CUX1: variants seen among roughly 807,000 people sequenced by gnomAD.
The protein encoded by CUX1 is cut like homeobox 1.
CUX1 carries 31 observed loss-of-function variants against 158.8 expected under a neutral mutation model. That is an observed-to-expected ratio of 0.20 (90% CI 0.15 to 0.26). CUX1 has a LOEUF of 0.26. CUX1 is among the 10% of genes least tolerant of loss of function. The probability of loss-of-function intolerance (pLI) is 1.00; values close to 1 mark genes in which losing one functional copy is unlikely to be tolerated. For missense variants in CUX1, 1,589 were observed against 2,014.6 expected, an observed-to-expected ratio of 0.79 and a Z score of 4.04; for synonymous variants, 879 against 862.1, an observed-to-expected ratio of 1.02 and a Z score of -0.34.
chr7:102,254,410 C>T lies in CUX1; in HGVS notation c.*5368C>T, dbSNP rs1268722450. 2.0e-6 allele frequency: 2 copies of T among 985,372 alleles called. No individual in the cohort carries two copies. Among genetic ancestry groups the T allele is most frequent in the South Asian group, 4.7e-5 (1 of 21,270 alleles). The allele number at this position is 985,372 out of a possible 1,614,324, so 61.0% of individuals were successfully genotyped here. On this transcript the variant is annotated 3_prime_UTR_variant, in exon 24 of 24. Transcript: ENST00000292535. ...TTGCAAACATCAAACATCTCAAAGA[C>T]GGAAAAGGATAGATGGCTTCCTCCA...
intron 4 of CUX1, among the ~76,000 whole-genome samples, chr7:102,090,686 C>G (rs1312898641): frequency 5.0e-5 from 6 of 120,790 alleles, no homozygotes; most frequent in Admixed American, 2.4e-4. Flanking sequence ...CGCACCCCGC[C>G]TCTTTTTTTT....
chr7:101,939,055 ATACATATATATATATATATATATAT>A lies in CUX1; in HGVS notation c.141+22831_141+22855del, dbSNP rs1563035850. Among the ~76,000 whole-genome samples, 9 of 77,488 alleles carry A rather than the reference ATACATATATATATATATATATATAT, an allele frequency of 1.2e-4. 1 individual carries two copies. The highest frequency in any genetic ancestry group is 5.3e-4 in the Admixed American group (3 of 5,678). The allele number at this position is 77,488 out of a possible 152,430, so 50.8% of individuals were successfully genotyped here. On this transcript the variant is annotated intron_variant, in intron 2 of 23. Coordinates refer to ENST00000292535, the MANE Select transcript of CUX1 (RefSeq NM_181552.4). ...AAACTCTGTCTCAAAAAAAAAAAAA[ATACATATATATATATATATATATAT>A]ATATATATATATATATATATATATA... is the stretch of plus-strand genomic sequence containing the variant.
intron 8 of CUX1, among the ~76,000 whole-genome samples, chr7:102,150,182 G>A (rs1196676298): frequency 1.3e-5 from 2 of 152,106 alleles, no homozygotes; most frequent in Admixed American, 1.3e-4. Context: ...TTGAGACAGG[G>A]TCTCGCTCTG....
At chr7:101,856,242 G>C (rs1295125799) in intron 1 of CUX1, among the ~76,000 whole-genome samples, 3 of 151,204 alleles carry the variant, frequency 2.0e-5, no homozygotes, top group Admixed American at 2.0e-4. Flanking sequence ...AAATTCTGCT[G>C]GAAGTGTGCA....
intron 2 of CUX1, among the ~76,000 whole-genome samples, chr7:101,993,790 C>T (rs757354455): frequency 7.9e-5 from 12 of 152,178 alleles, no homozygotes; most frequent in Admixed American, 2.6e-4. Context: ...CTGCCCCTCC[C>T]GGTGCAGACT....
In CUX1 at chr7:102,255,845, T is replaced by G. The variant is rs184193380; in HGVS notation, c.*6803T>G. On this transcript the variant is annotated 3_prime_UTR_variant, in exon 24 of 24. Coordinates refer to ENST00000292535, the MANE Select transcript of CUX1 (RefSeq NM_181552.4). ...TTCTTTTTTATTATTTTATTATTTT[T>G]TTTGTACTTTGCTTTAAACGGAAAG... is the stretch of plus-strand genomic sequence containing the variant. 308 of 983,434 alleles carry G rather than the reference T, an allele frequency of 3.1e-4. 2 individuals carry two copies. In the African/African-American group the frequency reaches 5.0e-3, roughly 16 times the overall value. The allele number at this position is 983,434 out of a possible 1,614,324, so 60.9% of individuals were successfully genotyped here.
intron 2 of CUX1, among the ~76,000 whole-genome samples, chr7:101,972,081 C>G (rs1448741920): frequency 3.9e-5 from 6 of 152,222 alleles, no homozygotes; most frequent in Non-Finnish European, 7.3e-5. Flanking sequence ...ATTCTCCTGC[C>G]TCAGCCTCCC....
chr7:102,170,390 T>C lies in CUX1; in HGVS notation c.724-56T>C, dbSNP rs3764839. On this transcript the variant is annotated intron_variant, in intron 9 of 23. Coordinates refer to ENST00000292535, the MANE Select transcript of CUX1 (RefSeq NM_181552.4). ...GAATTGATGAATGTTCTTGTAATAA[T>C]TGTCAGTTGTTAAACTGAATGTACT... The C allele has an allele frequency of 8.4e-4, 1,005 of 1,190,274 alleles. 9 individuals carry two copies. In the East Asian group the frequency reaches 0.018, roughly 21 times the overall value. The allele number at this position is 1,190,274 out of a possible 1,614,324, so 73.7% of individuals were successfully genotyped here. A position where few individuals can be genotyped will look rare whatever the true frequency, so the allele number is the denominator to read the frequency against.
chr7:101,864,319 C>A (rs1002414625), intron 1 of CUX1, among the ~76,000 whole-genome samples: 3 of 151,978 alleles, frequency 2.0e-5, no homozygotes, highest in African/African-American at 7.3e-5. Flanking sequence ...CACCACCACA[C>A]CCCGCTAATT....
At position 102,250,452 on chromosome 7, in the gene CUX1, G is replaced by A. The variant is rs1381767329; in HGVS notation, c.*1410G>A. On this transcript the variant is annotated 3_prime_UTR_variant, in exon 24 of 24. Transcript: ENST00000292535. The stretch of plus-strand genomic sequence containing the variant: ...CCCCAGGCCTGGGCAGGGCTTACAC[G>A]CGCACTCTCTCTCTTCTTTCCCTTT... 9.1e-6 allele frequency: 9 copies of A among 985,340 alleles called. No homozygotes were observed. The highest frequency in any genetic ancestry group is 8.7e-5 in the African/African-American group (5 of 57,214). The allele number at this position is 985,340 out of a possible 1,614,324, so 61.0% of individuals were successfully genotyped here. A position where few individuals can be genotyped will look rare whatever the true frequency, so the allele number is the denominator to read the frequency against.
chr7:101,856,976 G>A (rs558382795), intron 1 of CUX1, among the ~76,000 whole-genome samples: 11 of 152,248 alleles, frequency 7.2e-5, no homozygotes, highest in African/African-American at 2.6e-4. Context: ...CCTCCTGGGC[G>A]CACCCTCCCT....
At chr7:102,242,517 T>C (rs1373113386) in intron 23 of CUX1, among the ~76,000 whole-genome samples, 1 of 152,228 alleles carries the variant, frequency 6.6e-6, no homozygotes, top group African/African-American at 2.4e-5. Flanking sequence ...AGATGCCATC[T>C]CTACTTTCTA....
At chr7:101,885,486 G>A (rs1395071608) in intron 1 of CUX1, among the ~76,000 whole-genome samples, 1 of 152,182 alleles carries the variant, frequency 6.6e-6, no homozygotes, top group Non-Finnish European at 1.5e-5. Context: ...TCAAGCCCAG[G>A]AGGTCAAGTC....
chr7:102,149,169 C>T (rs1835343104), intron 8 of CUX1, among the ~76,000 whole-genome samples: 3 of 152,072 alleles, frequency 2.0e-5, no homozygotes, highest in Admixed American at 1.3e-4. Flanking sequence ...CTTCCATTTC[C>T]CTGTGGCCTC....
intron 2 of CUX1, among the ~76,000 whole-genome samples, chr7:101,974,608 G>T (rs1447366825): frequency 6.6e-6 from 1 of 152,124 alleles, no homozygotes; most frequent in African/African-American, 2.4e-5. Flanking sequence ...ATATATTACA[G>T]GTTGGCCTTT....
At chr7:102,212,504 GATTT>G (rs1437208563) in intron 20 of CUX1, among the ~76,000 whole-genome samples, 1 of 152,144 alleles carries the variant, frequency 6.6e-6, no homozygotes, top group African/African-American at 2.4e-5. Flanking sequence ...CAGAGTCACC[GATTT>G]ATTTGACTTT....
chr7:102,062,243 C>T (rs375357378), intron 3 of CUX1, among the ~76,000 whole-genome samples: 6 of 152,156 alleles, frequency 3.9e-5, no homozygotes, highest in African/African-American at 7.2e-5. Flanking sequence ...CCACAAGTCA[C>T]GTGGCAGTGG....
At chr7:102,094,032 A>C (rs925150176) in intron 4 of CUX1, among the ~76,000 whole-genome samples, 7 of 152,254 alleles carry the variant, frequency 4.6e-5, no homozygotes, top group Admixed American at 6.5e-5. Flanking sequence ...AATCATTAAC[A>C]AGACAAAAAG....
intron 20 of CUX1, among the ~76,000 whole-genome samples, chr7:102,219,231 T>C (rs1171453407): frequency 6.6e-6 from 1 of 151,684 alleles, no homozygotes; most frequent in East Asian, 1.9e-4. Context: ...AGAAAGAAAA[T>C]CATTGCTGTT....
Sources: allele counts gnomAD v4.1 joint callset (sites outside exome capture counted in the v4.1 genomes callset), GRCh38; gene constraint gnomAD v4.1.1; transcripts MANE v1.5; gene names NCBI Gene and HGNC (gene_info 2026-07-23, HGNC 2026-07-21).